The following TG variants were observed in gnomAD, a reference collection of about 807,000 sequenced individuals.
The protein encoded by TG is thyroglobulin.
A neutral mutation model predicts 324.7 loss-of-function variants in TG; 270 were observed. The observed-to-expected ratio is 0.83, with a 90% CI of 0.75 to 0.92. The LOEUF is 0.92. TG is among the 40% of genes least tolerant of loss of function. The pLI, the probability that TG is intolerant of heterozygous loss-of-function variation, is 0.00. For synonymous variants in TG, 1,401 were observed against 1,327.0 expected, an observed-to-expected ratio of 1.06 and a Z score of -1.21; for missense variants, 3,591 against 3,456.4, an observed-to-expected ratio of 1.04 and a Z score of -0.98.
At chr8:133,128,808 G>C (rs560987089) in intron 45 of TG, among the ~76,000 whole-genome samples, 8 of 152,202 alleles carry the variant, frequency 5.3e-5, no homozygotes, top group Non-Finnish European at 1.2e-4. Context: ...AATGCCTCCA[G>C]GCTGACCATA....
chr8:132,884,498 A>G (rs2132142576), intron 8 of TG, among the ~76,000 whole-genome samples: 1 of 152,354 alleles, frequency 6.6e-6, no homozygotes, highest in Non-Finnish European at 1.5e-5. Context: ...TCATTCAATA[A>G]TTCCTGCTAA....
At chr8:132,967,763 A>T in intron 30 of TG, 31 bp from the exon 31 acceptor site, 1 of 1,612,512 alleles carries the variant, frequency 6.2e-7, no homozygotes. Context: ...ACCCCACAAA[A>T]ACTAAAATCA....
chr8:133,129,142 G>C (rs1339492385), intron 45 of TG, among the ~76,000 whole-genome samples: 4 of 152,182 alleles, frequency 2.6e-5, no homozygotes. Context: ...GCCTCCTCCA[G>C]ATGTCCCTTA....
intron 8 of TG, among the ~76,000 whole-genome samples, chr8:132,883,422 G>A (rs1220496996): frequency 1.3e-5 from 2 of 152,126 alleles, no homozygotes; most frequent in East Asian, 3.9e-4. Flanking sequence ...TCCTGAAGGA[G>A]AGGAGTAAGG....
At chr8:132,868,545 A>C (rs1839184877) in intron 2 of TG, among the ~76,000 whole-genome samples, 1 of 152,162 alleles carries the variant, frequency 6.6e-6, no homozygotes, top group Non-Finnish European at 1.5e-5. Flanking sequence ...GGAGTGGGGC[A>C]GGTTGAGGAG....
At chr8:132,935,130 G>T (rs1046619357) in intron 24 of TG, among the ~76,000 whole-genome samples, 2 of 145,014 alleles carry the variant, frequency 1.4e-5, no homozygotes, top group African/African-American at 4.9e-5. Context: ...TTTCCATCTG[G>T]CAAACTCTTT....
In TG at chr8:132,887,234, C is replaced by A. The variant is rs144254329; in HGVS notation, c.1862C>A (p.Thr621Lys). The A allele has an allele frequency of 5.6e-6, 9 of 1,607,202 alleles. No individual in the cohort carries two copies. The highest frequency in any genetic ancestry group is 7.7e-6 in the Non-Finnish European group (9 of 1,175,754). The change falls in exon 9 of 48, where the codon ACG (threonine) becomes AAG (lysine). Residue 621 changes from threonine (T) to lysine (K), a missense_variant. Thr to Lys is a moderately conservative substitution (Grantham distance 78). Coordinates refer to ENST00000220616, the MANE Select transcript of TG (RefSeq NM_003235.5). ...GAAAGGCTATTTGTCCCATCATGCA[C>A]GACAGAAGGAAGCTATGAGGATGTC... The part of the protein sequence containing the change: ...TPERLFVPSC[T>K]TEGSYEDVQC...
chr8:132,915,494 T>C (rs1013740667), intron 20 of TG, among the ~76,000 whole-genome samples: 21 of 152,118 alleles, frequency 1.4e-4, no homozygotes, highest in Admixed American at 6.5e-5. Context: ...CAGCAGCTGG[T>C]GTCAGGGCAC....
chr8:132,887,663 G>A (rs1815618996), intron 9 of TG, 115 bp downstream of exon 9: 1 of 1,349,654 alleles, frequency 7.4e-7, no homozygotes, highest in South Asian at 1.2e-5. Flanking sequence ...TTCAGTTAAG[G>A]ACAAAATTGA....
rs998901877 is a variant in TG at position 133,096,300 on chromosome 8, T to C, written c.7499T>C (p.Leu2500Ser). 1.2e-6 allele frequency: 2 copies of C among 1,614,068 alleles called. No individual in the cohort carries two copies. Among genetic ancestry groups the C allele is most frequent in the Non-Finnish European group, 1.7e-6 (2 of 1,180,036 alleles). Reference protein sequence around the residue: ...EPPARALKRSLWVEVDLLIGS... With the variant: ...EPPARALKRSSWVEVDLLIGS... ...CCAGCCAGAGCACTGAAGAGGTCTT[T>C]ATGGGTAGAGGTCGATCTGCTCATT... Residue 2500 changes from leucine to serine, a missense_variant, in exon 43 of 48, where the codon TTA becomes TCA. Physicochemically the swap from Leu to Ser is moderately radical, Grantham distance 145. Coordinates refer to ENST00000220616, the MANE Select transcript of TG (RefSeq NM_003235.5).
At chr8:132,993,989 C>G (rs528774870) in intron 35 of TG, among the ~76,000 whole-genome samples, 1 of 152,148 alleles carries the variant, frequency 6.6e-6, no homozygotes, top group South Asian at 2.1e-4. Flanking sequence ...CAATCAAAGC[C>G]GTAGGTAGAG....
intron 22 of TG, among the ~76,000 whole-genome samples, chr8:132,928,722 C>T (rs928954420): frequency 1.3e-5 from 2 of 152,110 alleles, no homozygotes; most frequent in African/African-American, 4.8e-5. Flanking sequence ...AAAGAAAATG[C>T]CAGTAAAATA....
intron 11 of TG, among the ~76,000 whole-genome samples, chr8:132,895,527 C>T (rs1346812742): frequency 2.6e-5 from 4 of 152,248 alleles, no homozygotes; most frequent in African/African-American, 4.8e-5. Flanking sequence ...ATCCCTGGTG[C>T]GTGGCACAGT....
chr8:133,113,518 G>C lies in TG; in HGVS notation c.7669G>C (p.Glu2557Gln), dbSNP rs767107955. 16 of 1,613,920 alleles carry C rather than the reference G, an allele frequency of 9.9e-6. No individual in the cohort carries two copies. The highest frequency in any genetic ancestry group is 1.4e-5 in the Non-Finnish European group (16 of 1,180,004). Residue 2557 changes from glutamate to glutamine, a missense_variant, in exon 44 of 48, where the codon GAG becomes CAG. Coordinates refer to ENST00000220616, the MANE Select transcript of TG (RefSeq NM_003235.5). ...TGGCGAGGACTCAGATGCCCGCGTC[G>C]AGGCTGCTGCTACATGGTATTACTC... ...LGGEDSDARV[E>Q]AAATWYYSLE... is the part of the protein sequence containing the mutation.
At chr8:132,962,002 C>T (rs1421066669) in intron 28 of TG, among the ~76,000 whole-genome samples, 3 of 151,996 alleles carry the variant, frequency 2.0e-5, no homozygotes, top group Non-Finnish European at 4.4e-5. Flanking sequence ...GGGTAACGTG[C>T]GATACAGACG....
At chr8:133,096,643 G>T (rs1220532324) in intron 43 of TG, among the ~76,000 whole-genome samples, 2 of 152,206 alleles carry the variant, frequency 1.3e-5, no homozygotes, top group Non-Finnish European at 2.9e-5. Context: ...GCTCAGGGCT[G>T]CAAGTTAGAA....
At chr8:132,981,261 G>A (rs914587267) in intron 34 of TG, among the ~76,000 whole-genome samples, 8 of 152,214 alleles carry the variant, frequency 5.3e-5, no homozygotes, top group Admixed American at 1.3e-4. Flanking sequence ...TGTAGCTCAC[G>A]CCACCATTCT....
chr8:132,994,042 A>G (rs1379776596), intron 35 of TG, among the ~76,000 whole-genome samples: 1 of 151,990 alleles, frequency 6.6e-6, no homozygotes, highest in Non-Finnish European at 1.5e-5. Flanking sequence ...CTTTCTCTAT[A>G]ATTCCCCTCT....
At position 132,886,556 on chromosome 8, in the gene TG, G is replaced by T. The variant is rs1212368589; in HGVS notation, c.1184G>T (p.Arg395Ile). The T allele has an allele frequency of 1.2e-6, 2 of 1,614,228 alleles. No homozygotes were observed. Among genetic ancestry groups the T allele is most frequent in the East Asian group, 4.5e-5 (2 of 44,880 alleles). Residue 395 changes from arginine (R) to isoleucine (I), a missense_variant, in exon 9 of 48, where the codon AGA becomes ATA. By Grantham distance (97) the Arg-to-Ile change is moderately conservative. Coordinates refer to ENST00000220616, the MANE Select transcript of TG (RefSeq NM_003235.5). Reference protein sequence around the residue: ...QHDLFSSPEKRWASPRVARFA... With the variant: ...QHDLFSSPEKIWASPRVARFA... ...GACCTGTTCTCTTCCCCAGAGAAAA[G>T]ATGGGCCTCTCCAAGAGTAGCCAGA...
Sources: gnomAD v4.1 joint callset for allele counts (sites outside exome capture counted in the v4.1 genomes callset) on GRCh38, gnomAD v4.1.1 for gene constraint, MANE v1.5 for transcripts, NCBI Gene and HGNC (gene_info 2026-07-23, HGNC 2026-07-21) for gene names.